C4orf33: variants seen among roughly 807,000 people sequenced by gnomAD.
C4orf33 encodes UPF0462 protein C4orf33.
A neutral mutation model predicts 24.3 loss-of-function variants in C4orf33; 20 were observed. The ratio of observed to expected loss-of-function variants is 0.82; its 90% CI spans 0.58 to 1.19. The LOEUF is 1.19. Ranked by LOEUF, C4orf33 falls within the 50% of genes most tolerant of loss-of-function variation. The probability of loss-of-function intolerance (pLI) is 0.00; values close to 1 mark genes in which losing one functional copy is unlikely to be tolerated. For synonymous variants in C4orf33, 67 were observed against 76.4 expected (o/e 0.88, Z 0.64); for missense variants, 207 against 225.9 (o/e 0.92, Z 0.54).
At chr4:129,105,729 G>A (rs1753498152) in intron 2 of C4orf33, among the ~76,000 whole-genome samples, 1 of 151,832 alleles carries the variant, frequency 6.6e-6, no homozygotes, top group African/African-American at 2.4e-5. Context: ...AGACCAAAGG[G>A]GAAGAAAAGG....
intron 3 of C4orf33, among the ~76,000 whole-genome samples, chr4:129,107,595 T>C (rs1753555846): frequency 2.0e-5 from 3 of 152,010 alleles, no homozygotes; most frequent in African/African-American, 4.8e-5. Context: ...GCTGTTTGCG[T>C]TCTGTTTTTT....
At position 129,114,657 on chromosome 4, in the gene C4orf33, T is replaced by G. The variant is rs534900812; in HGVS notation, c.*2866T>G. The G allele has an allele frequency of 1.3e-5, 2 of 152,202 alleles. No individual in the cohort carries two copies. Among genetic ancestry groups the G allele is most frequent in the Non-Finnish European group, 2.9e-5 (2 of 68,002 alleles). The allele number at this position is 152,202 out of a possible 1,614,324, so 9.4% of individuals were successfully genotyped here. ...GCATTTGGTGACAAGGACCCCATTG[T>G]TGGTGGTAATGGCTCTGCTATAAGT... On this transcript the variant is annotated 3_prime_UTR_variant, in exon 6 of 6. Coordinates refer to ENST00000425929, the MANE Select transcript of C4orf33 (RefSeq NM_001099783.2).
intron 1 of C4orf33, chr4:129,100,805 GGT>G (rs1230848257): frequency 6.6e-6 from 1 of 152,010 alleles, no homozygotes; most frequent in Non-Finnish European, 1.5e-5. Flanking sequence ...TCAGCCTATT[GGT>G]GTCAGAATCA....
In C4orf33 at chr4:129,109,219, C is replaced by A. The variant is rs980724872; in HGVS notation, c.243-88C>A. 18 of 1,274,018 alleles carry A rather than the reference C, an allele frequency of 1.4e-5. No homozygotes were observed. The African/African-American group carries it at 2.2e-4, about 16-fold the overall frequency. 78.9% of individuals were successfully genotyped at this position (1,274,018 alleles called of 1,614,324 possible). A position where few individuals can be genotyped will look rare whatever the true frequency, so the allele number is the denominator to read the frequency against. On this transcript the variant is annotated intron_variant, in intron 3 of 5. Transcript: ENST00000425929. Reference sequence around the variant, plus strand: ...TTTTAATTATTTGGAAAATTAGTTGCAAGCACACACATTCCATGTATAAAG... The same window carrying A: ...TTTTAATTATTTGGAAAATTAGTTGAAAGCACACACATTCCATGTATAAAG...
intron 3 of C4orf33, among the ~76,000 whole-genome samples, chr4:129,108,445 A>G (rs1435610299): frequency 6.6e-6 from 1 of 152,172 alleles, no homozygotes; most frequent in Non-Finnish European, 1.5e-5. Context: ...AAAGCAGGAA[A>G]ACACAAGAGG....
chr4:129,108,796 G>T (rs1753593821), intron 3 of C4orf33, among the ~76,000 whole-genome samples: 1 of 152,044 alleles, frequency 6.6e-6, no homozygotes, highest in South Asian at 2.1e-4. Context: ...TTATGCATTT[G>T]GTGGCAGTTG....
chr4:129,103,291 T>A (rs542151523), intron 2 of C4orf33, among the ~76,000 whole-genome samples: 3 of 152,256 alleles, frequency 2.0e-5, no homozygotes, highest in Middle Eastern at 3.4e-3. Context: ...AGTGCTGGGA[T>A]TACAGGCGTG....
At chr4:129,109,756 T>C (rs764118985) in intron 5 of C4orf33, 84 bp downstream of exon 5, 29 of 1,173,262 alleles carry the variant, frequency 2.5e-5, no homozygotes, top group Non-Finnish European at 3.4e-5. Context: ...GTAACACTTT[T>C]GATCAAAGAA....
upstream of C4orf33, chr4:129,093,758 G>C (rs1753071575): frequency 6.5e-6 from 1 of 153,260 alleles, no homozygotes; most frequent in Admixed American, 6.5e-5. Context: ...AAACTGGTGG[G>C]ACAGTGTCTC....
rs1408161090 is a variant in C4orf33 at position 129,116,385 on chromosome 4, C to T, written c.*4594C>T. 1 of 152,120 alleles carries T rather than the reference C, an allele frequency of 6.6e-6. No individual in the cohort carries two copies. Among genetic ancestry groups the T allele is most frequent in the Non-Finnish European group, 1.5e-5 (1 of 68,024 alleles). 9.4% of individuals were successfully genotyped at this position (152,120 alleles called of 1,614,324 possible). On this transcript the variant is annotated 3_prime_UTR_variant, in exon 6 of 6. Transcript: ENST00000425929. ...TGTTCTGTAAATTTTTTACTTTGCA[C>T]TCTTGAAAAATTCGCAGAGAATGCA... is the stretch of plus-strand genomic sequence containing the variant.
chr4:129,098,696 C>A (rs1423263407), intron 1 of C4orf33, among the ~76,000 whole-genome samples: 1 of 152,184 alleles, frequency 6.6e-6, no homozygotes, highest in Non-Finnish European at 1.5e-5. Context: ...AGCAGCAGCT[C>A]CCATGAATTG....
At chr4:129,111,597 G>A (rs2125804999) in intron 5 of C4orf33, 89 bp from the exon 6 acceptor site, 4 of 711,606 alleles carry the variant, frequency 5.6e-6, no homozygotes, top group Non-Finnish European at 9.8e-6. Flanking sequence ...TTGTATTACA[G>A]TTGTGACAAA....
rs869132605 is a variant in C4orf33 at position 129,115,829 on chromosome 4, TAA to T, written c.*4041_*4042del. 1 of 47,684 alleles carries T rather than the reference TAA, an allele frequency of 2.1e-5. No individual in the cohort carries two copies. Among genetic ancestry groups the T allele is most frequent in the East Asian group, 7.3e-4 (1 of 1,362 alleles). 3.0% of individuals were successfully genotyped at this position (47,684 alleles called of 1,614,324 possible). A position where few individuals can be genotyped will look rare whatever the true frequency, so the allele number is the denominator to read the frequency against. On this transcript the variant is annotated 3_prime_UTR_variant, in exon 6 of 6. Coordinates refer to ENST00000425929, the MANE Select transcript of C4orf33 (RefSeq NM_001099783.2). ...ATATATATATATATATATATATATA[TAA>T]AATATATATGTTTATATATAACATA... is the stretch of plus-strand genomic sequence containing the variant.
In C4orf33 at chr4:129,116,336, A is replaced by G. The variant is rs1053504469; in HGVS notation, c.*4545A>G. On this transcript the variant is annotated 3_prime_UTR_variant, in exon 6 of 6. Coordinates refer to ENST00000425929, the MANE Select transcript of C4orf33 (RefSeq NM_001099783.2). ...CAATGAAATAATATATAGCTACATC[A>G]CTGGCTCCTGAGAGAGCTTTGGGTG... 3.3e-5 allele frequency: 5 copies of G among 152,220 alleles called. No homozygotes were observed. Among genetic ancestry groups the G allele is most frequent in the Non-Finnish European group, 5.9e-5 (4 of 68,034 alleles). The allele number at this position is 152,220 out of a possible 1,614,324, so 9.4% of individuals were successfully genotyped here.
intron 5 of C4orf33, 48 bp downstream of exon 5, chr4:129,109,720 C>G (rs758915998): frequency 6.7e-7 from 1 of 1,497,168 alleles, no homozygotes; most frequent in Non-Finnish European, 9.2e-7. Context: ...CGAGTTTTTT[C>G]GAAATTAATT....
At chr4:129,105,091 A>G (rs1404388470) in intron 2 of C4orf33, among the ~76,000 whole-genome samples, 3 of 151,996 alleles carry the variant, frequency 2.0e-5, no homozygotes, top group Non-Finnish European at 4.4e-5. Flanking sequence ...AGAGAGATCT[A>G]TTTTAAGAAA....
chr4:129,094,944 A>G (rs973180210), upstream of C4orf33, among the ~76,000 whole-genome samples: 2 of 152,196 alleles, frequency 1.3e-5, no homozygotes, highest in Non-Finnish European at 2.9e-5. Flanking sequence ...CATCAAATAA[A>G]TAATTATAGA....
chr4:129,094,762 A>G (rs1561083300), upstream of C4orf33, among the ~76,000 whole-genome samples: 7 of 152,116 alleles, frequency 4.6e-5, no homozygotes. Context: ...GTTTACACAA[A>G]AACTTTTTGT....
chr4:129,102,711 T>G lies in C4orf33; in HGVS notation c.101T>G (p.Ile34Ser), dbSNP rs1753394228. The G allele has an allele frequency of 6.2e-7, 1 of 1,614,026 alleles. No homozygotes were observed. Among genetic ancestry groups the G allele is most frequent in the Non-Finnish European group, 8.5e-7 (1 of 1,179,972 alleles). Residue 34 changes from isoleucine to serine, a missense_variant, in exon 2 of 6, where the codon ATT becomes AGT. Coordinates refer to ENST00000425929, the MANE Select transcript of C4orf33 (RefSeq NM_001099783.2). Reference protein sequence around the residue: ...NPGDRGVMMDISAPFFRDPPA... With the variant: ...NPGDRGVMMDSSAPFFRDPPA... ...GGTGACAGAGGAGTGATGATGGACA[T>G]TAGTGCTCCATTTTTCAGGGATCCT...
Sources: allele counts gnomAD v4.1 joint callset (sites outside exome capture counted in the v4.1 genomes callset), GRCh38; gene constraint gnomAD v4.1.1; transcripts MANE v1.5; gene names NCBI Gene and HGNC (gene_info 2026-07-23, HGNC 2026-07-21).